The following DAB2IP variants were observed in gnomAD, a reference collection of about 807,000 sequenced individuals.
DAB2IP encodes DAB2 interacting protein.
A neutral mutation model predicts 107.2 loss-of-function variants in DAB2IP; 28 were observed. The ratio of observed to expected loss-of-function variants is 0.26; its 90% CI spans 0.19 to 0.36. DAB2IP has a LOEUF of 0.36. Ranked by LOEUF, DAB2IP falls within the 10% of genes least tolerant of loss-of-function variation. DAB2IP has a pLI of 1.00. For missense variants in DAB2IP, 1,400 were observed against 1,644.7 expected (o/e 0.85, Z 2.57); for synonymous variants, 755 against 706.4 (o/e 1.07, Z -1.09).
intron 9 of DAB2IP, 30 bp from the exon 10 acceptor site, chr9:121,768,402 G>T: frequency 6.2e-7 from 1 of 1,613,538 alleles, no homozygotes; most frequent in Non-Finnish European, 8.5e-7. Flanking sequence ...CCTGGGCCCA[G>T]TAGTGCTCAC....
chr9:121,782,783 T>G lies in DAB2IP; in HGVS notation c.*285T>G. On this transcript the variant is annotated 3_prime_UTR_variant, in exon 16 of 16. Coordinates refer to ENST00000408936, the Ensembl canonical transcript of DAB2IP. This position sits in a 1 kb window ranked among gnomAD's most constrained non-coding sequence, Gnocchi z 6.1. Reference sequence around the variant, plus strand: ...TGGGGCAGGGGGCCTGCCAAAAATATGTCTGTTGGTTCCTGAATGTGGTGT... The same window carrying G: ...TGGGGCAGGGGGCCTGCCAAAAATAGGTCTGTTGGTTCCTGAATGTGGTGT... 1 of 1,275,654 alleles carries G rather than the reference T, an allele frequency of 7.8e-7. No individual in the cohort carries two copies. Among genetic ancestry groups the G allele is most frequent in the Non-Finnish European group, 9.9e-7 (1 of 1,005,318 alleles). The allele number at this position is 1,275,654 out of a possible 1,614,324, so 79.0% of individuals were successfully genotyped here.
chr9:121,626,316 G>A lies in DAB2IP; in HGVS notation c.41-52362G>A, dbSNP rs140277130. Among the ~76,000 whole-genome samples the A allele has an allele frequency of 1.7e-3, 262 of 151,842 alleles. 1 individual carries two copies. The highest frequency in any genetic ancestry group is 5.7e-3 in the African/African-American group (237 of 41,368). On this transcript the variant is annotated intron_variant, in intron 1 of 16. Coordinates refer to the DAB2IP transcript ENST00000259371. ...AGAGCCTGTGTTTCCGGGGGTGAGG[G>A]CATCCAAAATGGGCTTTCATGGAGC...
chr9:121,718,505 T>C (rs979197367), intron 3 of DAB2IP, among the ~76,000 whole-genome samples: 5 of 152,132 alleles, frequency 3.3e-5, no homozygotes, highest in African/African-American at 1.2e-4. Context: ...GTCCTTACAC[T>C]GCATCACCCA....
chr9:121,576,898 GC>G (rs1300101562), intron 1 of DAB2IP, among the ~76,000 whole-genome samples: 1 of 152,120 alleles, frequency 6.6e-6, no homozygotes, highest in Admixed American at 6.5e-5. Context: ...AGCTGCTGGG[GC>G]CTTCCCAGCG....
chr9:121,666,710 C>T (rs1833448763), intron 1 of DAB2IP, among the ~76,000 whole-genome samples: 1 of 152,020 alleles, frequency 6.6e-6, no homozygotes, highest in Admixed American at 6.6e-5. Context: ...CACATGTATA[C>T]CTATGTAACA....
chr9:121,737,185 T>A, intron 3 of DAB2IP: 4 of 985,416 alleles, frequency 4.1e-6, no homozygotes, highest in Non-Finnish European at 4.8e-6. Flanking sequence ...CTCTGTGCTC[T>A]GGCCTGCACC....
intron 2 of DAB2IP, among the ~76,000 whole-genome samples, chr9:121,685,261 A>G (rs1350206502): frequency 1.3e-5 from 2 of 152,184 alleles, no homozygotes; most frequent in Non-Finnish European, 2.9e-5. Context: ...CGCGGGGGGC[A>G]TCCCCCTTTT....
intron 1 of DAB2IP, among the ~76,000 whole-genome samples, chr9:121,605,812 G>A (rs553490680): frequency 4.5e-4 from 69 of 152,212 alleles, no homozygotes; most frequent in Non-Finnish European, 6.2e-4. Flanking sequence ...GGCTTCTTTA[G>A]CATTTTCTTA....
chr9:121,568,615 G>T (rs1331176516), intron 1 of DAB2IP, among the ~76,000 whole-genome samples: 1 of 152,210 alleles, frequency 6.6e-6, no homozygotes, highest in Non-Finnish European at 1.5e-5. Flanking sequence ...GGTCCTTGGG[G>T]AGGCCAGGGG....
intron 1 of DAB2IP, among the ~76,000 whole-genome samples, chr9:121,675,368 G>T (rs894429146): frequency 6.6e-6 from 1 of 152,188 alleles, no homozygotes; most frequent in African/African-American, 2.4e-5. Flanking sequence ...AAGCCAGAGA[G>T]TGTGTGAGGT....
chr9:121,742,405 G>A (rs1308633296), intron 3 of DAB2IP, among the ~76,000 whole-genome samples: 3 of 152,202 alleles, frequency 2.0e-5, no homozygotes, highest in African/African-American at 7.2e-5. Context: ...CTCCAGCCTG[G>A]GCAACAAGTG....
intron 1 of DAB2IP, among the ~76,000 whole-genome samples, chr9:121,641,962 C>G (rs1362208232): frequency 1.7e-4 from 6 of 35,916 alleles, no homozygotes; most frequent in African/African-American, 6.4e-4. Context: ...TTCTTTCTTT[C>G]TCTCTCTCTC....
In DAB2IP at chr9:121,640,454, C is replaced by A. The variant is rs974267938; in HGVS notation, c.41-38224C>A. On this transcript the variant is annotated intron_variant, in intron 1 of 16. Transcript: ENST00000259371. ...AGAACATTGTGAAACTTCCTTACAG[C>A]TTCCCGGGACAGAGGCTGCAGGGGA... Among the ~76,000 whole-genome samples, 30 of 152,164 alleles carry A rather than the reference C, an allele frequency of 2.0e-4. 1 individual carries two copies. The highest frequency in any genetic ancestry group is 4.4e-5 in the Non-Finnish European group (3 of 68,016).
At chr9:121,679,805 C>A (rs1221412895) in intron 2 of DAB2IP, among the ~76,000 whole-genome samples, 2 of 151,994 alleles carry the variant, frequency 1.3e-5, no homozygotes, top group African/African-American at 4.8e-5. Flanking sequence ...CGGGAGCTGG[C>A]TTTTGAGCTG....
intron 1 of DAB2IP, among the ~76,000 whole-genome samples, chr9:121,616,988 C>T (rs1564702805): frequency 1.3e-5 from 2 of 152,124 alleles, no homozygotes; most frequent in Admixed American, 1.3e-4. Context: ...GGGTGGACCT[C>T]AGGGTGAGGG....
chr9:121,631,806 C>A (rs1310647025), intron 1 of DAB2IP, among the ~76,000 whole-genome samples: 2 of 130,030 alleles, frequency 1.5e-5, no homozygotes, highest in Admixed American at 8.4e-5. Flanking sequence ...CAGGGCAAGA[C>A]TCCGTCTAAA....
At chr9:121,754,054 G>A (rs1833310851) in intron 3 of DAB2IP, among the ~76,000 whole-genome samples, 2 of 152,202 alleles carry the variant, frequency 1.3e-5, no homozygotes, top group African/African-American at 4.8e-5. Flanking sequence ...CTGTGAAGTG[G>A]CCAGGGACTG....
Position 121,635,914 on chromosome 9 carries a change from G to T in DAB2IP, c.41-42764G>T, listed in dbSNP as rs1000896469. On this transcript the variant is annotated intron_variant, in intron 1 of 16. Transcript: ENST00000259371. The surrounding 1 kb of genome is among the most constrained non-coding windows in gnomAD (Gnocchi z 4.3). ...TGTTTAGATGTCTTTTTTGGGGGGG[G>T]GTCTGGGGGATGGAGTCTTGCTCTG... 2.7e-5 allele frequency among the ~76,000 whole-genome samples: 4 copies of T among 150,458 alleles called. No individual in the cohort carries two copies. Among genetic ancestry groups the T allele is most frequent in the Admixed American group, 2.0e-4 (3 of 14,966 alleles).
chr9:121,763,080 C>T (rs1280282657), intron 6 of DAB2IP, among the ~76,000 whole-genome samples: 1 of 152,246 alleles, frequency 6.6e-6, no homozygotes, highest in African/African-American at 2.4e-5. Context: ...TACTGATGGC[C>T]ATTCTTACCA....
Sources: allele counts gnomAD v4.1 joint callset (sites outside exome capture counted in the v4.1 genomes callset), GRCh38; gene constraint gnomAD v4.1.1; non-coding constraint Gnocchi (gnomAD v3.1); transcripts MANE v1.5; gene names NCBI Gene and HGNC (gene_info 2026-07-23, HGNC 2026-07-21).